MEMO1: variants seen among roughly 807,000 people sequenced by gnomAD.
The protein encoded by MEMO1 is mediator of cell motility 1, also known as protein MEMO1.
Under a neutral mutation model 45.2 loss-of-function variants are expected in MEMO1, and 6 were observed. The observed-to-expected ratio is 0.13, with a 90% CI of 0.07 to 0.26. MEMO1 has a LOEUF of 0.26. Ranked by LOEUF, MEMO1 falls within the 10% of genes least tolerant of loss-of-function variation. The pLI is 1.00. For missense variants in MEMO1, 184 were observed against 370.5 expected (o/e 0.50, Z 4.13); for synonymous variants, 78 against 124.3 (o/e 0.63, Z 2.48).
intron 6 of MEMO1, among the ~76,000 whole-genome samples, chr2:31,895,593 G>A (rs755890148): frequency 2.0e-4 from 30 of 152,184 alleles, no homozygotes; most frequent in Middle Eastern, 3.4e-3. Flanking sequence ...CAGAGAAAAA[G>A]AACAGAGCAT....
intron 2 of MEMO1, among the ~76,000 whole-genome samples, chr2:31,972,169 A>G (rs896827797): frequency 3.3e-5 from 5 of 152,156 alleles, no homozygotes; most frequent in African/African-American, 1.2e-4. Context: ...TGTAGCAGAG[A>G]GATGGTCTGG....
At chr2:31,984,220 CAA>C (rs1477599101) in intron 2 of MEMO1, among the ~76,000 whole-genome samples, 6 of 152,100 alleles carry the variant, frequency 3.9e-5, no homozygotes, top group Non-Finnish European at 8.8e-5. Context: ...ACCAAACGAT[CAA>C]AGTTAACCTC....
chr2:32,006,862 G>A (rs1370623744), intron 2 of MEMO1, among the ~76,000 whole-genome samples: 1 of 151,586 alleles, frequency 6.6e-6, no homozygotes, highest in Non-Finnish European at 1.5e-5. Flanking sequence ...CTACTCAGGA[G>A]GCTGAGGCAG....
intron 2 of MEMO1, among the ~76,000 whole-genome samples, chr2:31,979,109 T>C (rs1670352642): frequency 6.6e-6 from 1 of 152,150 alleles, no homozygotes; most frequent in African/African-American, 2.4e-5. Context: ...GCAAGGACCT[T>C]CTTCACATGG....
intron 6 of MEMO1, among the ~76,000 whole-genome samples, chr2:31,905,420 T>G (rs914962799): frequency 6.6e-6 from 1 of 152,206 alleles, no homozygotes; most frequent in Non-Finnish European, 1.5e-5. Flanking sequence ...AAAATTAATT[T>G]TTAAATCTTT....
At chr2:31,985,233 C>T (rs1395792504) in intron 2 of MEMO1, among the ~76,000 whole-genome samples, 1 of 152,154 alleles carries the variant, frequency 6.6e-6, no homozygotes. Flanking sequence ...AAAATAAAAT[C>T]TATAAACGCT....
At position 31,918,023 on chromosome 2, in the gene MEMO1, A is replaced by C; in HGVS notation, c.340T>G (p.Trp114Gly). The C allele has an allele frequency of 6.2e-7, 1 of 1,610,288 alleles. No individual in the cohort carries two copies. The highest frequency in any genetic ancestry group is 8.5e-7 in the Non-Finnish European group (1 of 1,178,254). Residue 114 changes from tryptophan (W) to glycine (G), a missense_variant, in exon 6 of 10, where the codon TGG becomes GGG. By Grantham distance (184) the Trp-to-Gly change is radical. Around this residue, in one of 3 missense-constraint regions of MEMO1, gnomAD observed 60 missense variants for 79.2 expected, o/e 0.76. Transcript: ENST00000404530. ...ATGCGTTCAAACATTCCTGTCTTCC[A>C]CAGTTCTCCGTAAACTAAAGAGATT... ...RIDQKIYGEL[W>G]KTGMFERMSL...
At chr2:31,947,281 A>G (rs1461231872) in intron 2 of MEMO1, among the ~76,000 whole-genome samples, 1 of 152,220 alleles carries the variant, frequency 6.6e-6, no homozygotes, top group African/African-American at 2.4e-5. Flanking sequence ...CTTCTGTAAA[A>G]AGACCAATTT....
intron 2 of MEMO1, among the ~76,000 whole-genome samples, chr2:31,991,372 G>C (rs1394974499): frequency 6.6e-6 from 1 of 152,154 alleles, no homozygotes; most frequent in African/African-American, 2.4e-5. Context: ...TGGAGGTCGA[G>C]ACCAGCATGA....
intron 7 of MEMO1, among the ~76,000 whole-genome samples, chr2:31,887,624 A>C (rs2147966533): frequency 6.6e-6 from 1 of 152,284 alleles, no homozygotes; most frequent in Admixed American, 6.5e-5. Flanking sequence ...GCATCAAATA[A>C]GGTAATCTCT....
In MEMO1 at chr2:32,004,461, A is replaced by C. The variant is rs557347237; in HGVS notation, c.61+5726T>G. 3.5e-4 allele frequency among the ~76,000 whole-genome samples: 54 copies of C among 152,308 alleles called. 1 individual carries two copies. In the South Asian group the frequency reaches 0.011, roughly 30 times the overall value. The stretch of plus-strand genomic sequence containing the variant: ...TAAGTATCAGGAAAATATGAATTAA[A>C]ACTACACTACAATATCACTACACAC... On this transcript the variant is annotated intron_variant, in intron 2 of 9. Transcript: ENST00000404530.
At chr2:31,956,141 A>G (rs898349869) in intron 2 of MEMO1, among the ~76,000 whole-genome samples, 14 of 152,256 alleles carry the variant, frequency 9.2e-5, no homozygotes, top group African/African-American at 3.4e-4. Context: ...TTCCTTCCAA[A>G]TTCAGCTAGC....
At chr2:31,917,100 A>C (rs1681569109) in intron 6 of MEMO1, among the ~76,000 whole-genome samples, 1 of 152,182 alleles carries the variant, frequency 6.6e-6, no homozygotes, top group Non-Finnish European at 1.5e-5. Flanking sequence ...TAGTACATTT[A>C]ATTAATATTT....
intron 4 of MEMO1, among the ~76,000 whole-genome samples, chr2:31,929,895 T>A (rs996451001): frequency 2.0e-5 from 3 of 152,236 alleles, no homozygotes; most frequent in African/African-American, 7.2e-5. Context: ...TGACTGTCAA[T>A]TATTAATTTT....
At chr2:31,994,231 A>C (rs78741945) in intron 2 of MEMO1, among the ~76,000 whole-genome samples, 18,497 of 150,732 alleles carry the variant, frequency 0.12, 1,224 homozygotes, top group Middle Eastern at 0.19. Context: ...AAAGTACTGG[A>C]ATTACAGGCA....
intron 2 of MEMO1, among the ~76,000 whole-genome samples, chr2:31,955,800 G>A (rs936905995): frequency 6.6e-6 from 1 of 151,982 alleles, no homozygotes; most frequent in South Asian, 2.1e-4. Context: ...TAAAGACAGG[G>A]TTTTACCATG....
chr2:31,990,900 A>G (rs1369681062), intron 2 of MEMO1, among the ~76,000 whole-genome samples: 3 of 152,152 alleles, frequency 2.0e-5, no homozygotes, highest in Non-Finnish European at 2.9e-5. Context: ...AACAAATGAT[A>G]TATTATTTAG....
chr2:32,005,080 G>A (rs577143739), intron 2 of MEMO1, among the ~76,000 whole-genome samples: 1 of 152,208 alleles, frequency 6.6e-6, no homozygotes, highest in Admixed American at 6.5e-5. Context: ...TCCATCAACA[G>A]AATAAACTGG....
chr2:31,930,178 G>C (rs932202150), intron 4 of MEMO1, among the ~76,000 whole-genome samples: 1 of 152,192 alleles, frequency 6.6e-6, no homozygotes, highest in Non-Finnish European at 1.5e-5. Context: ...CAGGAGAACT[G>C]ACTGAACCTG....
Sources: allele counts gnomAD v4.1 joint callset (sites outside exome capture counted in the v4.1 genomes callset), GRCh38; gene constraint gnomAD v4.1.1; regional missense constraint gnomAD v4.1.1; transcripts MANE v1.5; gene names NCBI Gene and HGNC (gene_info 2026-07-23, HGNC 2026-07-21).